Variants in ZFYVE9 observed in about 807,000 individuals in gnomAD.
The protein encoded by ZFYVE9 is zinc finger FYVE-type containing 9, also known as zinc finger FYVE domain-containing protein 9.
Under a neutral mutation model 126.7 loss-of-function variants are expected in ZFYVE9, and 43 were observed. That is an observed-to-expected ratio of 0.34 (90% CI 0.27 to 0.44). ZFYVE9 has a LOEUF of 0.44. ZFYVE9 is among the 20% of genes least tolerant of loss of function. The probability of loss-of-function intolerance (pLI) is 1.00; values close to 1 mark genes in which losing one functional copy is unlikely to be tolerated. For missense variants in ZFYVE9, 1,476 were observed against 1,697.0 expected (o/e 0.87, Z 2.29); for synonymous variants, 521 against 597.4 (o/e 0.87, Z 1.87).
At chr1:52,165,145 AC>A (rs1162699409) in intron 1 of ZFYVE9, among the ~76,000 whole-genome samples, 1 of 152,230 alleles carries the variant, frequency 6.6e-6, no homozygotes, top group East Asian at 1.9e-4. Context: ...CTGGTATTGA[AC>A]AATAGTAACA....
chr1:52,191,540 G>A (rs1644816549), intron 1 of ZFYVE9, among the ~76,000 whole-genome samples: 1 of 152,140 alleles, frequency 6.6e-6, no homozygotes, highest in African/African-American at 2.4e-5. Flanking sequence ...AATTCTTTAT[G>A]AAGTATTTCT....
intron 1 of ZFYVE9, among the ~76,000 whole-genome samples, chr1:52,184,237 A>T (rs905939808): frequency 4.2e-5 from 6 of 141,580 alleles, no homozygotes; most frequent in Admixed American, 1.4e-4. Flanking sequence ...ATATATATAT[A>T]TTTTGAGATG....
At chr1:52,255,911 T>C (rs1055831675) in intron 4 of ZFYVE9, among the ~76,000 whole-genome samples, 2 of 61,422 alleles carry the variant, frequency 3.3e-5, no homozygotes, top group Non-Finnish European at 6.0e-5. Context: ...TTCTTTTCTT[T>C]TCTTTTCTTT....
chr1:52,216,902 C>G (rs1471912003), intron 2 of ZFYVE9, among the ~76,000 whole-genome samples: 1 of 151,978 alleles, frequency 6.6e-6, no homozygotes, highest in Non-Finnish European at 1.5e-5. Flanking sequence ...GCAATAATTT[C>G]CAGCAGAAAA....
chr1:52,285,928 G>GT (rs1463475754), intron 10 of ZFYVE9, among the ~76,000 whole-genome samples: 1 of 152,134 alleles, frequency 6.6e-6, no homozygotes, highest in East Asian at 1.9e-4. Context: ...GCCAAGCCGG[G>GT]TGGATCACCT....
At chr1:52,229,384 T>G (rs1035206574) in intron 2 of ZFYVE9, among the ~76,000 whole-genome samples, 3 of 152,270 alleles carry the variant, frequency 2.0e-5, no homozygotes, top group Non-Finnish European at 4.4e-5. Context: ...GCTAAGGTGA[T>G]GATTTCTATA....
chr1:52,303,351 A>G (rs1303410170), intron 12 of ZFYVE9, among the ~76,000 whole-genome samples: 1 of 151,588 alleles, frequency 6.6e-6, no homozygotes, highest in Non-Finnish European at 1.5e-5. Context: ...TGAGTCCACC[A>G]CTCTTGTTCA....
At chr1:52,326,225 C>T (rs1441936459) in intron 13 of ZFYVE9, among the ~76,000 whole-genome samples, 2 of 152,102 alleles carry the variant, frequency 1.3e-5, no homozygotes, top group African/African-American at 4.8e-5. Flanking sequence ...TAGGAAAGGT[C>T]TTTAATTTCA....
At chr1:52,309,874 G>A (rs1264252408) in intron 13 of ZFYVE9, among the ~76,000 whole-genome samples, 1 of 152,116 alleles carries the variant, frequency 6.6e-6, no homozygotes, top group Non-Finnish European at 1.5e-5. Flanking sequence ...CTGACGGCAT[G>A]GAAATTTTAA....
At chr1:52,312,771 T>A (rs1646150036) in intron 13 of ZFYVE9, among the ~76,000 whole-genome samples, 1 of 152,316 alleles carries the variant, frequency 6.6e-6, no homozygotes, top group African/African-American at 2.4e-5. Flanking sequence ...TGTTCAAATA[T>A]AATTTATTAT....
intron 3 of ZFYVE9, among the ~76,000 whole-genome samples, chr1:52,233,964 A>C (rs1423954709): frequency 6.6e-6 from 1 of 151,998 alleles, no homozygotes; most frequent in Non-Finnish European, 1.5e-5. Context: ...TATTTTTAGT[A>C]CAGAAGGGGT....
chr1:52,183,566 G>A (rs1270355208), intron 1 of ZFYVE9, among the ~76,000 whole-genome samples: 3 of 152,116 alleles, frequency 2.0e-5, no homozygotes, highest in Non-Finnish European at 4.4e-5. Context: ...GCAGTGGTGC[G>A]ATCTCAGCTC....
chr1:52,182,744 A>G (rs1644723988), intron 1 of ZFYVE9, among the ~76,000 whole-genome samples: 2 of 146,824 alleles, frequency 1.4e-5, no homozygotes, highest in Admixed American at 6.6e-5. Flanking sequence ...AAGAATGATC[A>G]ATAAAAAATA....
intron 1 of ZFYVE9, among the ~76,000 whole-genome samples, chr1:52,175,699 C>A (rs1040130977): frequency 6.6e-6 from 1 of 152,066 alleles, no homozygotes; most frequent in Non-Finnish European, 1.5e-5. Context: ...AGGCTTTGTT[C>A]GTTTCTTTTT....
At chr1:52,264,604 C>T (rs1206879653) in intron 5 of ZFYVE9, among the ~76,000 whole-genome samples, 2 of 152,168 alleles carry the variant, frequency 1.3e-5, no homozygotes, top group African/African-American at 4.8e-5. Context: ...TTGAATGCAT[C>T]TTTGTACAGT....
chr1:52,232,618 C>G (rs1187101394), intron 2 of ZFYVE9, among the ~76,000 whole-genome samples: 5 of 149,258 alleles, frequency 3.3e-5, no homozygotes, highest in African/African-American at 5.0e-5. Context: ...ATCCCAGCTA[C>G]TTGGGAGGCT....
At chr1:52,143,053 AG>A (rs1213973042) in intron 1 of ZFYVE9, among the ~76,000 whole-genome samples, 2 of 152,208 alleles carry the variant, frequency 1.3e-5, no homozygotes, top group Non-Finnish European at 2.9e-5. Context: ...CCTTGGAGAA[AG>A]CCCCATCGCA....
At chr1:52,212,821 A>T (rs1645039837) in intron 1 of ZFYVE9, among the ~76,000 whole-genome samples, 1 of 152,190 alleles carries the variant, frequency 6.6e-6, no homozygotes, top group South Asian at 2.1e-4. Context: ...ATTACATGTA[A>T]TGTGAAATAT....
chr1:52,303,499 G>T (rs540363145), intron 12 of ZFYVE9, among the ~76,000 whole-genome samples: 30 of 152,284 alleles, frequency 2.0e-4, no homozygotes, highest in African/African-American at 7.2e-4. Flanking sequence ...GTACTCTCTT[G>T]GAGCTTCAGA....
Sources: gnomAD v4.1 joint callset for allele counts (sites outside exome capture counted in the v4.1 genomes callset) on GRCh38, gnomAD v4.1.1 for gene constraint, MANE v1.5 for transcripts, NCBI Gene and HGNC (gene_info 2026-07-23, HGNC 2026-07-21) for gene names.